The following SLAIN2 variants were observed in gnomAD, a reference collection of about 807,000 sequenced individuals.
The protein encoded by SLAIN2 is SLAIN motif-containing protein 2.
A neutral mutation model predicts 56.6 loss-of-function variants in SLAIN2; 31 were observed. The ratio of observed to expected loss-of-function variants is 0.55; its 90% CI spans 0.41 to 0.74. The LOEUF (loss-of-function observed/expected upper bound fraction) is 0.74. SLAIN2 is among the 30% of genes least tolerant of loss of function. SLAIN2 has a pLI of 0.00. For missense variants in SLAIN2, 777 were observed against 754.2 expected (o/e 1.03, Z -0.35); for synonymous variants, 317 against 284.9 (o/e 1.11, Z -1.13).
chr4:48,403,777 G>C (rs1348084267), intron 6 of SLAIN2, among the ~76,000 whole-genome samples: 1 of 152,186 alleles, frequency 6.6e-6, no homozygotes. Context: ...CTCCTGCCTT[G>C]CATGAATTCC....
intron 2 of SLAIN2, among the ~76,000 whole-genome samples, chr4:48,376,875 T>G (rs941027595): frequency 2.7e-5 from 4 of 149,432 alleles, no homozygotes; most frequent in African/African-American, 9.8e-5. Context: ...CCTCCCAAAG[T>G]GCTGGGATTA....
intron 6 of SLAIN2, among the ~76,000 whole-genome samples, chr4:48,414,358 C>CTTTAT (rs1241568281): frequency 6.6e-6 from 1 of 152,120 alleles, no homozygotes; most frequent in Non-Finnish European, 1.5e-5. Flanking sequence ...GTGTAGCAGA[C>CTTTAT]TAAAGGAGGC....
chr4:48,352,764 C>T (rs1370573831), intron 1 of SLAIN2, among the ~76,000 whole-genome samples: 4 of 152,152 alleles, frequency 2.6e-5, no homozygotes, highest in African/African-American at 9.7e-5. Context: ...TTACTTTGCT[C>T]CATTTACATT....
intron 6 of SLAIN2, among the ~76,000 whole-genome samples, chr4:48,406,976 T>TG (rs1716715179): frequency 1.3e-5 from 2 of 152,236 alleles, no homozygotes; most frequent in East Asian, 3.9e-4. Flanking sequence ...GTCTTAGTAT[T>TG]GATCATTCTG....
At chr4:48,396,371 G>A (rs1404767274) in intron 6 of SLAIN2, among the ~76,000 whole-genome samples, 1 of 152,124 alleles carries the variant, frequency 6.6e-6, no homozygotes, top group Admixed American at 6.5e-5. Flanking sequence ...GTATTGTGAC[G>A]TGGGCATTAT....
intron 1 of SLAIN2, among the ~76,000 whole-genome samples, chr4:48,366,357 T>A (rs1001245064): frequency 1.3e-5 from 2 of 152,214 alleles, no homozygotes; most frequent in African/African-American, 4.8e-5. Context: ...GTCTTCTGTA[T>A]TTTTTCTGAT....
intron 6 of SLAIN2, among the ~76,000 whole-genome samples, chr4:48,408,796 A>G (rs1474611256): frequency 6.6e-6 from 1 of 152,130 alleles, no homozygotes; most frequent in Non-Finnish European, 1.5e-5. Context: ...TAAGGTTTGC[A>G]GTAGGGTGTA....
At chr4:48,345,273 C>G (rs1714831268) in intron 1 of SLAIN2, among the ~76,000 whole-genome samples, 1 of 152,176 alleles carries the variant, frequency 6.6e-6, no homozygotes, top group Non-Finnish European at 1.5e-5. Flanking sequence ...ACCCTTTCTC[C>G]CTGCCACACA....
At chr4:48,367,566 T>A (rs930463827) in intron 1 of SLAIN2, among the ~76,000 whole-genome samples, 1 of 152,134 alleles carries the variant, frequency 6.6e-6, no homozygotes, top group Non-Finnish European at 1.5e-5. Flanking sequence ...AAATTACAAA[T>A]TTTTAGTCTT....
chr4:48,412,714 T>C (rs1716894935), intron 6 of SLAIN2, among the ~76,000 whole-genome samples: 1 of 152,208 alleles, frequency 6.6e-6, no homozygotes, highest in Non-Finnish European at 1.5e-5. Context: ...TTACATTTAA[T>C]AAATTTTTCT....
intron 2 of SLAIN2, among the ~76,000 whole-genome samples, chr4:48,372,559 T>C (rs868182676): frequency 7.2e-5 from 11 of 152,188 alleles, no homozygotes; most frequent in African/African-American, 2.2e-4. Flanking sequence ...TTATTAGCAA[T>C]TGGTGACTAG....
chr4:48,405,188 C>A (rs1353639252), intron 6 of SLAIN2, among the ~76,000 whole-genome samples: 2 of 152,092 alleles, frequency 1.3e-5, no homozygotes, highest in Non-Finnish European at 2.9e-5. Context: ...ACGCCCTTAC[C>A]ATCCATATCA....
At chr4:48,386,606 T>G (rs1392205692) in intron 6 of SLAIN2, among the ~76,000 whole-genome samples, 1 of 152,212 alleles carries the variant, frequency 6.6e-6, no homozygotes, top group East Asian at 1.9e-4. Context: ...CCTGTTTTTA[T>G]AGCAAATTAC....
intron 6 of SLAIN2, among the ~76,000 whole-genome samples, chr4:48,412,073 T>C (rs1209071226): frequency 6.6e-6 from 1 of 152,206 alleles, no homozygotes; most frequent in African/African-American, 2.4e-5. Context: ...TAATTATGTT[T>C]CTTAATCTTG....
At chr4:48,364,806 A>G (rs1282306657) in intron 1 of SLAIN2, among the ~76,000 whole-genome samples, 1 of 131,648 alleles carries the variant, frequency 7.6e-6, no homozygotes, top group Non-Finnish European at 1.6e-5. Context: ...GTGTGCCGAG[A>G]TGGCAGCAGT....
At chr4:48,376,115 T>C (rs1378304484) in intron 2 of SLAIN2, among the ~76,000 whole-genome samples, 5 of 152,210 alleles carry the variant, frequency 3.3e-5, no homozygotes, top group Admixed American at 3.3e-4. Context: ...TATAAAGTGC[T>C]CTTGCCAGTG....
chr4:48,348,399 C>T (rs1256535572), intron 1 of SLAIN2, among the ~76,000 whole-genome samples: 5 of 152,066 alleles, frequency 3.3e-5, no homozygotes, highest in African/African-American at 1.2e-4. Flanking sequence ...AAGAAACCTT[C>T]AAGACAGGCT....
intron 6 of SLAIN2, among the ~76,000 whole-genome samples, chr4:48,419,183 A>G (rs1489836005): frequency 6.6e-6 from 1 of 151,352 alleles, no homozygotes; most frequent in African/African-American, 2.4e-5. Context: ...GCTTATTGCA[A>G]CCTCCGCCTC....
In SLAIN2 at chr4:48,412,402, ACACAC is replaced by A. The variant is rs1560465834; in HGVS notation, c.1361-7722_1361-7718del. On this transcript the variant is annotated intron_variant, in intron 6 of 7. Coordinates refer to ENST00000264313, the MANE Select transcript of SLAIN2 (RefSeq NM_020846.2). Reference sequence around the variant, plus strand: ...CACACACACACACACACACACACACACACACACACACACATTCCCTCTCTCTCTCT... The same window carrying A: ...CACACACACACACACACACACACACAACACACACATTCCCTCTCTCTCTCT... Among the ~76,000 whole-genome samples, 108 of 60,756 alleles carry A rather than the reference ACACAC, an allele frequency of 1.8e-3. 2 individuals are homozygous for A. Among genetic ancestry groups the A allele is most frequent in the African/African-American group, 5.4e-3 (108 of 19,932 alleles). The allele number at this position is 60,756 out of a possible 152,430, so 39.9% of individuals were successfully genotyped here.
Sources: allele counts gnomAD v4.1 joint callset (sites outside exome capture counted in the v4.1 genomes callset), GRCh38; gene constraint gnomAD v4.1.1; transcripts MANE v1.5; gene names NCBI Gene and HGNC (gene_info 2026-07-23, HGNC 2026-07-21).